The following CDK8 variants were observed in gnomAD, a reference collection of about 807,000 sequenced individuals.
CDK8 encodes the protein cyclin-dependent kinase 8.
Under a neutral mutation model 71.5 loss-of-function variants are expected in CDK8, and 29 were observed. That is an observed-to-expected ratio of 0.41 (90% CI 0.30 to 0.55). The LOEUF (loss-of-function observed/expected upper bound fraction) is 0.55. CDK8 is among the 20% of genes least tolerant of loss of function. The pLI, the probability that CDK8 is intolerant of heterozygous loss-of-function variation, is 0.37. For missense variants in CDK8, 288 were observed against 572.6 expected (o/e 0.50, Z 5.07); for synonymous variants, 161 against 192.1 (o/e 0.84, Z 1.34).
At chr13:26,356,444 T>C (rs1009661269) in intron 4 of CDK8, among the ~76,000 whole-genome samples, 12 of 152,178 alleles carry the variant, frequency 7.9e-5, no homozygotes, top group African/African-American at 2.9e-4. Flanking sequence ...CTTAGTGTTC[T>C]TTATAAACGT....
At chr13:26,361,334 T>A (rs564616006) in intron 4 of CDK8, among the ~76,000 whole-genome samples, 2 of 152,300 alleles carry the variant, frequency 1.3e-5, no homozygotes, top group East Asian at 3.9e-4. Context: ...CATAATATAT[T>A]TATGGATGCT....
chr13:26,298,749 A>G (rs540408967), intron 1 of CDK8, among the ~76,000 whole-genome samples: 1 of 152,272 alleles, frequency 6.6e-6, no homozygotes, highest in African/African-American at 2.4e-5. Context: ...TACTGTCAAA[A>G]ATTATGCTGG....
intron 3 of CDK8, among the ~76,000 whole-genome samples, chr13:26,350,671 G>C (rs1235960034): frequency 6.6e-6 from 1 of 152,118 alleles, no homozygotes; most frequent in African/African-American, 2.4e-5. Context: ...GATGTCAGGT[G>C]ATCTGCCCAC....
chr13:26,384,756 A>ATCT (rs1875395092), intron 5 of CDK8, among the ~76,000 whole-genome samples: 1 of 152,226 alleles, frequency 6.6e-6, no homozygotes, highest in African/African-American at 2.4e-5. Flanking sequence ...AATAGGGGAA[A>ATCT]TAATGGTGTT....
chr13:26,295,791 C>T lies in CDK8; in HGVS notation c.128+41022C>T, dbSNP rs145988587. Among the ~76,000 whole-genome samples, 678 of 152,226 alleles carry T rather than the reference C, an allele frequency of 4.5e-3. 5 individuals carry two copies. Among genetic ancestry groups the T allele is most frequent in the African/African-American group, 0.015 (640 of 41,534 alleles). On this transcript the variant is annotated intron_variant, in intron 1 of 12. Transcript: ENST00000381527. The stretch of plus-strand genomic sequence containing the variant: ...TCAGCCTCCTTTCCCCAAGCATTAA[C>T]ATCTGAGAATATGATCAATCCAGTT...
Position 26,254,713 on chromosome 13 carries a change from C to A in CDK8, c.72C>A (p.Gly24=). ...TCGAGGACCTGTTTGAATACGAGGG[C>A]TGCAAAGTTGGCCGAGGCACTTATG... ...ERVEDLFEYE[G]CKVGRGTYGH... The change falls in exon 1 of 13, where the codon GGC becomes GGA. Residue 24 remains glycine (G), a synonymous_variant. Transcript: ENST00000381527. This position sits in a 1 kb window ranked among gnomAD's most constrained non-coding sequence, Gnocchi z 6.7. The A allele has an allele frequency of 6.2e-7, 1 of 1,612,854 alleles. No individual in the cohort carries two copies. The highest frequency in any genetic ancestry group is 8.5e-7 in the Non-Finnish European group (1 of 1,179,454).
Position 26,254,180 on chromosome 13 carries a change from A to AGAGTGAGT in CDK8, c.-448_-441dup. On this transcript the variant is annotated 5_prime_UTR_variant, in exon 1 of 13. Transcript: ENST00000381527. The surrounding 1 kb of genome is among the most constrained non-coding windows in gnomAD (Gnocchi z 6.7). ...CTGCCCTTCTGTTTGAGTGTATGGG[A>AGAGTGAGT]GAGTGAGTGAGTGAGTGAGTGTGAG... 1 of 238,036 alleles carries AGAGTGAGT rather than the reference A, an allele frequency of 4.2e-6. No individual in the cohort carries two copies. The highest frequency in any genetic ancestry group is 8.2e-6 in the Non-Finnish European group (1 of 121,256). 14.7% of individuals were successfully genotyped at this position (238,036 alleles called of 1,614,324 possible).
intron 1 of CDK8, among the ~76,000 whole-genome samples, chr13:26,291,119 A>G (rs1873277776): frequency 1.6e-4 from 1 of 6,400 alleles, no homozygotes; most frequent in African/African-American, 2.2e-4. Context: ...CCTCCATCTC[A>G]AAAAAAAAAA....
At position 26,397,776 on chromosome 13, in the gene CDK8, C is replaced by T. The variant is rs117763063; in HGVS notation, c.933+551C>T. Among the ~76,000 whole-genome samples the T allele has an allele frequency of 1.4e-3, 209 of 152,170 alleles. 1 individual carries two copies. Among genetic ancestry groups the T allele is most frequent in the South Asian group, 0.01 (50 of 4,826 alleles). ...ATTTAACCTAGAATCTAATTGAATC[C>T]GTGCACTAACAAGGTAATTTGTGAT... On this transcript the variant is annotated intron_variant, in intron 9 of 12. Coordinates refer to ENST00000381527, the MANE Select transcript of CDK8 (RefSeq NM_001260.3).
At chr13:26,363,411 T>C (rs974688406) in intron 4 of CDK8, among the ~76,000 whole-genome samples, 3 of 151,068 alleles carry the variant, frequency 2.0e-5, no homozygotes, top group Non-Finnish European at 4.4e-5. Context: ...TAATTCAAAA[T>C]AGTGATTTTT....
chr13:26,393,326 G>T (rs1241145974), intron 6 of CDK8, 41 bp from the exon 7 acceptor site: 20 of 1,285,470 alleles, frequency 1.6e-5, no homozygotes, highest in South Asian at 6.2e-5. Flanking sequence ...TTTTTTCCTT[G>T]CCTATTTTTC....
In CDK8 at chr13:26,393,447, A is replaced by T. The variant is rs2138063423; in HGVS notation, c.727A>T (p.Thr243Ser). 6.2e-7 allele frequency: 1 copy of T among 1,612,260 alleles called. No homozygotes were observed. The highest frequency in any genetic ancestry group is 8.5e-7 in the Non-Finnish European group (1 of 1,178,484). ...IFHCRQEDIK[T>S]SNPYHHDQLD... ...TCACTGTCGACAAGAGGACATCAAA[A>T]CTAGTAATCCTTATCACCATGACCA... The change falls in exon 7 of 13, where the codon ACT becomes TCT. Residue 243 changes from threonine to serine, a missense_variant. Thr to Ser is a moderately conservative substitution (Grantham distance 58). Around this residue, in one of 6 missense-constraint regions of CDK8, gnomAD observed 96 missense variants for 229.8 expected, o/e 0.42. Transcript: ENST00000381527.
chr13:26,348,920 T>A lies in CDK8; in HGVS notation c.205-152T>A, dbSNP rs1225030954. Reference sequence around the variant, plus strand: ...TCACAGATATCTTCTCATTTGTTACTGAAGTATCCGTCTCAGAATTGTGTG... The same window carrying A: ...TCACAGATATCTTCTCATTTGTTACAGAAGTATCCGTCTCAGAATTGTGTG... On this transcript the variant is annotated intron_variant, in intron 2 of 12. Coordinates refer to ENST00000381527, the MANE Select transcript of CDK8 (RefSeq NM_001260.3). The A allele has an allele frequency of 4.6e-6, 3 of 649,556 alleles. No individual in the cohort carries two copies. The East Asian group carries it at 8.2e-5, about 18-fold the overall frequency. 40.2% of individuals were successfully genotyped at this position (649,556 alleles called of 1,614,324 possible).
rs1353111221 is a variant in CDK8, at chr13:26,401,100, C to T, written c.1032-169C>T. Among the ~76,000 whole-genome samples the T allele has an allele frequency of 6.6e-6, 1 of 152,102 alleles. No individual in the cohort carries two copies. Among genetic ancestry groups the T allele is most frequent in the Non-Finnish European group, 1.5e-5 (1 of 68,014 alleles). ...CCTCAAGTAGCCTGCTGTAATATTA[C>T]TAGTTACAAAGAAAAGATTCGTTTT... On this transcript the variant is annotated intron_variant, in intron 10 of 12. Transcript: ENST00000381527. The surrounding 1 kb of genome is among the most constrained non-coding windows in gnomAD (Gnocchi z 4.5).
At position 26,401,555 on chromosome 13, in the gene CDK8, G is replaced by A. The variant is rs138501276; in HGVS notation, c.1200G>A (p.Pro400=). ...NQDSSHTQGP[P]LKKVRVVPPT... Reference sequence around the variant, plus strand: ...ACAGCAGTCACACACAGGGACCCCCGTTGAAGAAAGTGAGAGTTGTTCCTC... The same window carrying A: ...ACAGCAGTCACACACAGGGACCCCCATTGAAGAAAGTGAGAGTTGTTCCTC... Residue 400 remains proline (P), a synonymous_variant, in exon 12 of 13, where the codon CCG becomes CCA. Transcript: ENST00000381527. This position sits in a 1 kb window ranked among gnomAD's most constrained non-coding sequence, Gnocchi z 4.5. The A allele has an allele frequency of 1.1e-5, 18 of 1,614,080 alleles. No homozygotes were observed. In the African/African-American group the frequency reaches 2.0e-4, roughly 18 times the overall value.
intron 1 of CDK8, among the ~76,000 whole-genome samples, chr13:26,310,867 A>G (rs537030984): frequency 7.9e-5 from 12 of 151,992 alleles, no homozygotes; most frequent in Non-Finnish European, 1.6e-4. Flanking sequence ...AAATCTCTCC[A>G]TTGGCTTTGC....
chr13:26,343,865 A>G (rs190146296), intron 2 of CDK8, among the ~76,000 whole-genome samples: 7 of 152,190 alleles, frequency 4.6e-5, no homozygotes, highest in Admixed American at 4.6e-4. Context: ...TTCTTATTCT[A>G]TAAGTTTTTT....
rs114648186 is a variant in CDK8 at position 26,260,950 on chromosome 13, G to A, written c.128+6181G>A. The stretch of plus-strand genomic sequence containing the variant: ...CTTGACTCTTTTTCTGTTCTTAGCT[G>A]CTGCTAGAAAATAAAACTCCTACTA... On this transcript the variant is annotated intron_variant, in intron 1 of 12. Coordinates refer to ENST00000381527, the MANE Select transcript of CDK8 (RefSeq NM_001260.3). 5.1e-3 allele frequency among the ~76,000 whole-genome samples: 781 copies of A among 152,222 alleles called. 4 individuals carry two copies. Among genetic ancestry groups the A allele is most frequent in the African/African-American group, 0.018 (754 of 41,536 alleles).
intron 1 of CDK8, among the ~76,000 whole-genome samples, chr13:26,304,603 G>A (rs958658525): frequency 5.3e-5 from 8 of 151,742 alleles, no homozygotes; most frequent in Middle Eastern, 6.8e-3. Flanking sequence ...TACTCCCCCA[G>A]CCCTGACTTG....
Sources: allele counts gnomAD v4.1 joint callset (sites outside exome capture counted in the v4.1 genomes callset), GRCh38; gene constraint gnomAD v4.1.1; regional missense constraint gnomAD v4.1.1; non-coding constraint Gnocchi (gnomAD v3.1); transcripts MANE v1.5; gene names NCBI Gene and HGNC (gene_info 2026-07-23, HGNC 2026-07-21).